The following CFAP99 variants were observed in gnomAD, a reference collection of about 807,000 sequenced individuals.
CFAP99 encodes the protein cilia and flagella associated protein 99.
A neutral mutation model predicts 82.7 loss-of-function variants in CFAP99; 84 were observed. That is an observed-to-expected ratio of 1.02 (90% confidence interval 0.85 to 1.22). The LOEUF (loss-of-function observed/expected upper bound fraction) is 1.22, where lower values mean the gene tolerates loss of function less well. CFAP99 is among the 50% of genes most tolerant of loss of function. CFAP99 has a pLI of 0.00. For missense variants in CFAP99, 1,059 were observed against 983.5 expected (o/e 1.08, Z -1.03); for synonymous variants, 456 against 429.5 (o/e 1.06, Z -0.76).
At chr4:2,454,594 G>GTTTTTTTTTTTTTT (rs1204498727) in intron 11 of CFAP99, among the ~76,000 whole-genome samples, 3 of 84,534 alleles carry the variant, frequency 3.5e-5, no homozygotes, top group Non-Finnish European at 7.4e-5. Context: ...TTTTTTTTTT[G>GTTTTTTTTTTTTTT]TTTTTTTTTT....
chr4:2,460,193 G>C, exon 14 of CFAP99: 2 of 1,536,092 alleles, frequency 1.3e-6, no homozygotes, highest in Non-Finnish European at 1.7e-6. Context: ...GAACATGGTG[G>C]AGCAGATCTC....
intron 2 of CFAP99, chr4:2,427,645 G>A (rs1733713587): frequency 6.5e-6 from 1 of 152,816 alleles, no homozygotes; most frequent in African/African-American, 2.4e-5. Context: ...ACGGCCCCTG[G>A]GGGCTGCCCT....
Position 2,426,589 on chromosome 4 carries a change from A to G in CFAP99, c.111+3A>G. On this transcript the variant is annotated splice_donor_region_variant and intron_variant, in intron 2 of 14. Transcript: ENST00000635017. ...AGGCTGCGGCCACCTCCCTGCAGGTAGGATCTGCTGGGGGCTGCTGGGAGG... is the reference window on the plus strand; with the variant it reads ...AGGCTGCGGCCACCTCCCTGCAGGTGGGATCTGCTGGGGGCTGCTGGGAGG... The G allele has an allele frequency of 1.3e-6, 2 of 1,528,458 alleles. No individual in the cohort carries two copies. Among genetic ancestry groups the G allele is most frequent in the Non-Finnish European group, 8.8e-7 (1 of 1,139,998 alleles). 94.7% of individuals were successfully genotyped at this position (1,528,458 alleles called of 1,614,324 possible).
In CFAP99 at chr4:2,433,340, C is replaced by A. The variant is rs1337249408; in HGVS notation, c.112-3534C>A. Among the ~76,000 whole-genome samples the A allele has an allele frequency of 3.3e-5, 5 of 152,198 alleles. No individual in the cohort carries two copies. The South Asian group carries it at 1.0e-3, about 32-fold the overall frequency. On this transcript the variant is annotated intron_variant, in intron 2 of 14. Coordinates refer to ENST00000635017, the Ensembl canonical transcript of CFAP99. ...AGCATAGTCCCGCAAAGTCATCACC[C>A]TCAGCGGCCACGCTGACTCACTGCT...
At chr4:2,430,924 T>G (rs1162696512) in intron 2 of CFAP99, among the ~76,000 whole-genome samples, 1 of 151,690 alleles carries the variant, frequency 6.6e-6, no homozygotes, top group Admixed American at 6.6e-5. Flanking sequence ...AATGTAAAAA[T>G]TAGCCAAACA....
At chr4:2,443,554 C>T (rs903475918) in intron 5 of CFAP99, among the ~76,000 whole-genome samples, 2 of 152,184 alleles carry the variant, frequency 1.3e-5, no homozygotes, top group Admixed American at 6.5e-5. Flanking sequence ...GGGGCAGAGC[C>T]GGCCCTTCTG....
At chr4:2,424,136 C>T (rs576237261) in intron 1 of CFAP99, among the ~76,000 whole-genome samples, 1 of 152,342 alleles carries the variant, frequency 6.6e-6, no homozygotes, top group South Asian at 2.1e-4. Context: ...CCTAAAAGGA[C>T]AGCCTGGCGT....
intron 2 of CFAP99, among the ~76,000 whole-genome samples, chr4:2,433,881 G>C (rs1016276888): frequency 2.0e-5 from 3 of 152,220 alleles, no homozygotes; most frequent in African/African-American, 7.2e-5. Context: ...GGGCGGGCTG[G>C]GGACTCCGAG....
At chr4:2,426,205 G>A (rs1251272229) in intron 1 of CFAP99, among the ~76,000 whole-genome samples, 1 of 152,144 alleles carries the variant, frequency 6.6e-6, no homozygotes, top group Non-Finnish European at 1.5e-5. Flanking sequence ...ACCCAGGCCA[G>A]CCTGGGCCCC....
intron 4 of CFAP99, among the ~76,000 whole-genome samples, chr4:2,438,797 C>A (rs7666851): frequency 0.17 from 25,750 of 152,044 alleles, 2,469 homozygotes; most frequent in African/African-American, 0.26. Context: ...ACAACAACAA[C>A]AAAAAACCCA....
At chr4:2,450,458 A>AT (rs1479255218) in intron 8 of CFAP99, 1 of 280,002 alleles carries the variant, frequency 3.6e-6, no homozygotes. Flanking sequence ...TGGGCAGCCC[A>AT]TATGGTGCAT....
intron 2 of CFAP99, 184 bp downstream of exon 2, chr4:2,426,770 GTCA>G: frequency 1.7e-6 from 1 of 585,368 alleles, no homozygotes. Context: ...CAGAATGTGT[GTCA>G]GGCCAGGCTC....
chr4:2,458,710 G>A lies in CFAP99; in HGVS notation c.1162-13G>A, dbSNP rs1191856175. On this transcript the variant is annotated splice_polypyrimidine_tract_variant and intron_variant, in intron 11 of 14. Coordinates refer to ENST00000635017, the Ensembl canonical transcript of CFAP99. ...CAGCCCCACTCACCGTGGCAGGTCCGCTGTCTGGGCAGATGGCCAAGCTGA... is the reference window on the plus strand; with the variant it reads ...CAGCCCCACTCACCGTGGCAGGTCCACTGTCTGGGCAGATGGCCAAGCTGA... The A allele has an allele frequency of 1.3e-5, 20 of 1,528,196 alleles. No individual in the cohort carries two copies. Among genetic ancestry groups the A allele is most frequent in the Middle Eastern group, 2.0e-4 (1 of 5,066 alleles). The allele number at this position is 1,528,196 out of a possible 1,614,324, so 94.7% of individuals were successfully genotyped here.
At chr4:2,449,176 C>T (rs924791465) in intron 6 of CFAP99, among the ~76,000 whole-genome samples, 15 of 152,124 alleles carry the variant, frequency 9.9e-5, no homozygotes, top group South Asian at 8.3e-4. Flanking sequence ...GCCATATTAT[C>T]GGAGCCTCCT....
chr4:2,445,155 G>A, exon 6 of CFAP99: 1 of 1,398,736 alleles, frequency 7.1e-7, no homozygotes, highest in Non-Finnish European at 9.2e-7. Context: ...TCCAGGAGCT[G>A]ATCAACCACC....
chr4:2,452,163 G>A (rs778070085), exon 11 of CFAP99: 5 of 1,536,210 alleles, frequency 3.3e-6, no homozygotes, highest in East Asian at 4.9e-5. Context: ...TCGTGGATGG[G>A]GCTGGGGACT....
At position 2,443,125 on chromosome 4, in the gene CFAP99, C is replaced by T. The variant is rs1327676229; in HGVS notation, c.352-5C>T. On this transcript the variant is annotated splice_polypyrimidine_tract_variant and splice_region_variant and intron_variant, in intron 4 of 14. Coordinates refer to ENST00000635017, the Ensembl canonical transcript of CFAP99. Reference sequence around the variant, plus strand: ...CGGCCCCCTGACAGCCCCCGTCCACCCCAGTTCCTCAGGTTCTTCTTCAAC... The same window carrying T: ...CGGCCCCCTGACAGCCCCCGTCCACTCCAGTTCCTCAGGTTCTTCTTCAAC... The T allele has an allele frequency of 2.0e-6, 3 of 1,510,652 alleles. No individual in the cohort carries two copies. Among genetic ancestry groups the T allele is most frequent in the African/African-American group, 1.4e-5 (1 of 71,382 alleles). The allele number at this position is 1,510,652 out of a possible 1,614,324, so 93.6% of individuals were successfully genotyped here.
chr4:2,441,631 T>A (rs1248732582), intron 4 of CFAP99, among the ~76,000 whole-genome samples: 1 of 152,180 alleles, frequency 6.6e-6, no homozygotes, highest in African/African-American at 2.4e-5. Context: ...TGGAGGCAGA[T>A]CCATGTGAAT....
chr4:2,455,477 A>G (rs1734406706), intron 11 of CFAP99, among the ~76,000 whole-genome samples: 1 of 152,158 alleles, frequency 6.6e-6, no homozygotes, highest in African/African-American at 2.4e-5. Flanking sequence ...ATTCAAGACC[A>G]GCCTGGCCAA....
Sources: gnomAD v4.1 joint callset for allele counts (sites outside exome capture counted in the v4.1 genomes callset) on GRCh38, gnomAD v4.1.1 for gene constraint, MANE v1.5 for transcripts, NCBI Gene and HGNC (gene_info 2026-07-23, HGNC 2026-07-21) for gene names.